Variants in SYN3 observed in about 807,000 individuals in gnomAD.
SYN3 encodes synapsin-3.
Under a neutral mutation model 65.8 loss-of-function variants are expected in SYN3, and 35 were observed. The observed-to-expected ratio is 0.53, with a 90% confidence interval of 0.41 to 0.70. The LOEUF is 0.70. SYN3 is among the 30% of genes least tolerant of loss of function. The pLI, the probability that SYN3 is intolerant of heterozygous loss-of-function variation, is 0.00. For missense variants in SYN3, 680 were observed against 749.0 expected (o/e 0.91, Z 1.08); for synonymous variants, 270 against 292.9 (o/e 0.92, Z 0.80).
intron 6 of SYN3, among the ~76,000 whole-genome samples, chr22:32,600,999 T>A (rs1209218150): frequency 6.6e-6 from 1 of 152,126 alleles, no homozygotes; most frequent in East Asian, 1.9e-4. Flanking sequence ...TTAATATGAT[T>A]TGATCTGCAA....
chr22:33,023,783 G>T (rs1422093315), intron 1 of SYN3, among the ~76,000 whole-genome samples: 1 of 152,220 alleles, frequency 6.6e-6, no homozygotes, highest in Non-Finnish European at 1.5e-5. Context: ...TGGAGCTCAA[G>T]TGTCACCTGG....
intron 3 of SYN3, among the ~76,000 whole-genome samples, chr22:32,962,281 G>A (rs536269243): frequency 1.4e-4 from 21 of 151,614 alleles, no homozygotes; most frequent in Non-Finnish European, 2.4e-4. Flanking sequence ...GTCTACAGGC[G>A]CCTGCCACCT....
At chr22:32,635,205 T>TTCTA (rs1216215094) in intron 6 of SYN3, 1 of 152,248 alleles carries the variant, frequency 6.6e-6, no homozygotes, top group African/African-American at 2.4e-5. Flanking sequence ...AGGCTAATCT[T>TTCTA]TCTATCTATC....
intron 6 of SYN3, among the ~76,000 whole-genome samples, chr22:32,605,305 G>T (rs2059357181): frequency 6.6e-6 from 1 of 152,188 alleles, no homozygotes; most frequent in Non-Finnish European, 1.5e-5. Context: ...GATCAGGAAT[G>T]GCAAGCTTGG....
intron 1 of SYN3, among the ~76,000 whole-genome samples, chr22:33,033,363 C>T (rs536132073): frequency 1.4e-4 from 21 of 152,228 alleles, no homozygotes; most frequent in East Asian, 9.7e-4. Flanking sequence ...GCCTTTGCAC[C>T]GGCTGTTCCC....
intron 12 of SYN3, among the ~76,000 whole-genome samples, chr22:32,521,860 C>T (rs760487565): frequency 2.6e-5 from 4 of 152,152 alleles, no homozygotes; most frequent in Non-Finnish European, 4.4e-5. Flanking sequence ...GCCTCCCTTC[C>T]CAGGTTGATA....
chr22:32,733,545 A>T (rs2061298103), intron 6 of SYN3, among the ~76,000 whole-genome samples: 1 of 152,074 alleles, frequency 6.6e-6, no homozygotes, highest in African/African-American at 2.4e-5. Flanking sequence ...TTTCTATCTG[A>T]TGTCTAACAT....
intron 6 of SYN3, among the ~76,000 whole-genome samples, chr22:32,750,994 C>T (rs147749173): frequency 0.01 from 1,573 of 152,158 alleles, 33 homozygotes; most frequent in African/African-American, 0.036. Flanking sequence ...GAATCTGGAG[C>T]TGCGGGTTTT....
chr22:32,563,725 A>G (rs934352454), intron 7 of SYN3, among the ~76,000 whole-genome samples: 1 of 152,124 alleles, frequency 6.6e-6, no homozygotes, highest in Non-Finnish European at 1.5e-5. Flanking sequence ...GCTGGAGTAC[A>G]ATGGCTCGAT....
chr22:32,798,338 C>T (rs1035740498), intron 6 of SYN3, among the ~76,000 whole-genome samples: 1 of 152,102 alleles, frequency 6.6e-6, no homozygotes, highest in African/African-American at 2.4e-5. Flanking sequence ...ACAGTACAAG[C>T]ATGGGCCACA....
chr22:32,794,482 G>A (rs1463803582), intron 6 of SYN3, among the ~76,000 whole-genome samples: 1 of 152,190 alleles, frequency 6.6e-6, no homozygotes, highest in Admixed American at 6.5e-5. Flanking sequence ...CAGAACCTCT[G>A]TTGGGGTGAA....
rs575652257 is a variant in SYN3, at chr22:32,557,689, G to A, written c.775-15976C>T. 1.9e-3 allele frequency among the ~76,000 whole-genome samples: 293 copies of A among 152,328 alleles called. 1 individual carries two copies. The highest frequency in any genetic ancestry group is 6.8e-3 in the African/African-American group (281 of 41,560). ...TGCAAGGCTGTGATCCTAAGAAGAGGGGAATTGGGAGGGGAGCCTCGTGTT... is the reference window on the plus strand; with the variant it reads ...TGCAAGGCTGTGATCCTAAGAAGAGAGGAATTGGGAGGGGAGCCTCGTGTT... On this transcript the variant is annotated intron_variant, in intron 7 of 13. Transcript: ENST00000358763.
At chr22:33,013,100 G>A (rs2053389510) in intron 1 of SYN3, among the ~76,000 whole-genome samples, 1 of 152,166 alleles carries the variant, frequency 6.6e-6, no homozygotes, top group Admixed American at 6.5e-5. Flanking sequence ...GGATCTTAGA[G>A]TTTATTTAAC....
chr22:32,569,590 A>ATATATATAT (rs1569048509), intron 7 of SYN3, among the ~76,000 whole-genome samples: 6 of 92,530 alleles, frequency 6.5e-5, no homozygotes, highest in African/African-American at 2.0e-4. Context: ...TATATATATA[A>ATATATATAT]AATCTATCTA....
chr22:32,877,845 T>C (rs1434368455), intron 4 of SYN3, among the ~76,000 whole-genome samples: 2 of 152,190 alleles, frequency 1.3e-5, no homozygotes, highest in African/African-American at 4.8e-5. Flanking sequence ...CTCTGCTTCA[T>C]GGAATCATCT....
chr22:32,890,934 C>G (rs1036814527), intron 4 of SYN3, among the ~76,000 whole-genome samples: 2 of 152,126 alleles, frequency 1.3e-5, no homozygotes, highest in African/African-American at 4.8e-5. Context: ...ATTTCCTAGA[C>G]CCCCTTGCAG....
chr22:32,868,924 T>C (rs1295083438), intron 5 of SYN3, 42 bp downstream of exon 5: 1 of 1,586,726 alleles, frequency 6.3e-7, no homozygotes, highest in Admixed American at 1.7e-5. Context: ...GGCCACCCAC[T>C]GCCTCCCAGA....
chr22:32,661,271 C>T (rs2060212606), intron 6 of SYN3, among the ~76,000 whole-genome samples: 1 of 152,248 alleles, frequency 6.6e-6, no homozygotes, highest in African/African-American at 2.4e-5. Flanking sequence ...CCTCCACCTT[C>T]CCCTCTGGGG....
At chr22:32,855,837 G>C (rs1019364083) in intron 6 of SYN3, among the ~76,000 whole-genome samples, 11 of 152,158 alleles carry the variant, frequency 7.2e-5, no homozygotes, top group African/African-American at 2.7e-4. Flanking sequence ...CACTGTATTA[G>C]ATTATGTCGT....
Sources: gnomAD v4.1 joint callset for allele counts (sites outside exome capture counted in the v4.1 genomes callset) on GRCh38, gnomAD v4.1.1 for gene constraint, MANE v1.5 for transcripts, NCBI Gene and HGNC (gene_info 2026-07-23, HGNC 2026-07-21) for gene names.